Variants in GATM observed in about 807,000 individuals in gnomAD.
GATM encodes glycine amidinotransferase.
GATM carries 23 observed loss-of-function variants against 54.2 expected under a neutral mutation model. That is an observed-to-expected ratio of 0.42 (90% CI 0.31 to 0.60). GATM has a LOEUF of 0.60. Ranked by LOEUF, GATM falls within the 20% of genes least tolerant of loss-of-function variation. The pLI is 0.14. For synonymous variants in GATM, 168 were observed against 183.1 expected (o/e 0.92, Z 0.67); for missense variants, 401 against 544.9 (o/e 0.74, Z 2.63).
At chr15:45,401,127 C>A (rs1033940265) in intron 1 of GATM, among the ~76,000 whole-genome samples, 13 of 152,130 alleles carry the variant, frequency 8.5e-5, no homozygotes, top group African/African-American at 3.1e-4. Context: ...CTAAATTGTT[C>A]CAGAATCGAT....
chr15:45,392,225 T>C (rs1439087391), intron 3 of GATM, among the ~76,000 whole-genome samples: 2 of 152,168 alleles, frequency 1.3e-5, no homozygotes, highest in Admixed American at 1.3e-4. Flanking sequence ...GAAGGCAAAC[T>C]TGGTGACAGA....
chr15:45,368,142 T>G lies in GATM; in HGVS notation c.603A>C (p.Lys201Asn), dbSNP rs748600834. Residue 201 changes from lysine to asparagine, a missense_variant, in exon 4 of 9, where the codon AAA (lysine) becomes AAC (asparagine). This residue lies in a region of GATM where 321 missense variants were observed against 457.5 expected (regional missense o/e 0.70). Transcript: ENST00000396659. This position sits in a 1 kb window ranked among gnomAD's most constrained non-coding sequence, Gnocchi z 5.1. Reference sequence around the variant, plus strand: ...ACTTGGCGCCACGGTGGAAGTAGTCTTTGATAATTGACCTGTACGCTCGGT... The same window carrying G: ...ACTTGGCGCCACGGTGGAAGTAGTCGTTGATAATTGACCTGTACGCTCGGT... Reference protein sequence around the residue: ...FEYRAYRSIIKDYFHRGAKWT... With the variant: ...FEYRAYRSIINDYFHRGAKWT... 1.4e-5 allele frequency: 23 copies of G among 1,614,132 alleles called. No individual in the cohort carries two copies. The highest frequency in any genetic ancestry group is 3.3e-4 in the Middle Eastern group (2 of 6,052).
intron 2 of GATM, chr15:45,399,396 A>G (rs1484074660): frequency 6.6e-6 from 1 of 152,240 alleles, no homozygotes; most frequent in Non-Finnish European, 1.5e-5. Context: ...TGGTAGTAGG[A>G]GTCAGGGCCT....
At chr15:45,388,425 A>G (rs142382659) in intron 3 of GATM, among the ~76,000 whole-genome samples, 4 of 152,352 alleles carry the variant, frequency 2.6e-5, no homozygotes, top group Non-Finnish European at 5.9e-5. Context: ...ATTATTAACT[A>G]AACTCCAGAC....
At chr15:45,375,270 C>T (rs1417879816) in intron 2 of GATM, among the ~76,000 whole-genome samples, 1 of 152,128 alleles carries the variant, frequency 6.6e-6, no homozygotes, top group Non-Finnish European at 1.5e-5. Flanking sequence ...GGGGTTTCAC[C>T]GTGTTAGCCA....
chr15:45,368,181 T>C lies in GATM; in HGVS notation c.564A>G (p.Ser188=), dbSNP rs1889479983. The C allele has an allele frequency of 6.2e-7, 1 of 1,613,972 alleles. No individual in the cohort carries two copies. The highest frequency in any genetic ancestry group is 1.3e-5 in the African/African-American group (1 of 74,910). Residue 188 remains serine (S), a synonymous_variant, in exon 4 of 9, where the codon TCA becomes TCG. Transcript: ENST00000396659. This position sits in a 1 kb window ranked among gnomAD's most constrained non-coding sequence, Gnocchi z 5.1. ...EIIEAPMAWR[S]RFFEYRAYRS... ...TGTACGCTCGGTACTCAAAGAAGCG[T>C]GAACGCCATGCCATGGGAGCCTCGA... is the stretch of plus-strand genomic sequence containing the variant.
chr15:45,396,807 TTG>T (rs1889937208), intron 3 of GATM: 1 of 142,556 alleles, frequency 7.0e-6, no homozygotes. Flanking sequence ...GAGGCAGAGG[TTG>T]TAGTGAGCTG....
chr15:45,380,834 T>C (rs566461787), upstream of GATM, among the ~76,000 whole-genome samples: 1 of 152,266 alleles, frequency 6.6e-6, no homozygotes, highest in African/African-American at 2.4e-5. Context: ...GTCCTACTGT[T>C]ATAAAAGCAA....
At chr15:45,399,111 C>T (rs183800008) in intron 2 of GATM, among the ~76,000 whole-genome samples, 3 of 152,212 alleles carry the variant, frequency 2.0e-5, no homozygotes, top group African/African-American at 7.2e-5. Flanking sequence ...TTTTGTTTGG[C>T]AAAGCTATTT....
chr15:45,376,662 T>C lies in GATM; in HGVS notation c.227A>G (p.Glu76Gly). 1 of 1,614,136 alleles carries C rather than the reference T, an allele frequency of 6.2e-7. No homozygotes were observed. The highest frequency in any genetic ancestry group is 2.2e-5 in the East Asian group (1 of 44,872). Residue 76 changes from glutamate (E) to glycine (G), a missense_variant, in exon 2 of 9, where the codon GAG becomes GGG. Physicochemically the swap from Glu to Gly is moderately conservative, Grantham distance 98. Transcript: ENST00000396659. ...VSSYNEWDPL[E>G]EVIVGRAENA... ...TTCTGCTCTGCCCACTATCACTTCCTCTAAGGGGTCCCATTCGTTGTAAGA... is the reference window on the plus strand; with the variant it reads ...TTCTGCTCTGCCCACTATCACTTCCCCTAAGGGGTCCCATTCGTTGTAAGA...
chr15:45,378,274 G>A (rs2140660431), intron 1 of GATM, 111 bp downstream of exon 1: 2 of 805,474 alleles, frequency 2.5e-6, no homozygotes, highest in South Asian at 1.7e-5. Flanking sequence ...TTCCGGCTAG[G>A]GAAAGCGAGG....
chr15:45,398,394 T>C (rs553022663), intron 2 of GATM, among the ~76,000 whole-genome samples: 1 of 152,248 alleles, frequency 6.6e-6, no homozygotes, highest in Non-Finnish European at 1.5e-5. Context: ...TGATGTTCTA[T>C]GAACTGTAGT....
At chr15:45,390,094 C>T (rs1374417888) in intron 3 of GATM, among the ~76,000 whole-genome samples, 3 of 152,132 alleles carry the variant, frequency 2.0e-5, no homozygotes, top group Admixed American at 1.3e-4. Context: ...TCAAGCGATC[C>T]GCCTGCCACA....
At position 45,368,325 on chromosome 15, in the gene GATM, T is replaced by C. The variant is rs1451779884; in HGVS notation, c.485-65A>G. 1 of 1,441,656 alleles carries C rather than the reference T, an allele frequency of 6.9e-7. No individual in the cohort carries two copies. The highest frequency in any genetic ancestry group is 9.7e-7 in the Non-Finnish European group (1 of 1,033,876). The allele number at this position is 1,441,656 out of a possible 1,614,324, so 89.3% of individuals were successfully genotyped here. A position where few individuals can be genotyped will look rare whatever the true frequency, so the allele number is the denominator to read the frequency against. ...TAATTTCCAAGACAAAAAAGGTCTA[T>C]ATAGGGCCAGGCACAGTGGCTCATG... is the stretch of plus-strand genomic sequence containing the variant. On this transcript the variant is annotated intron_variant, in intron 3 of 8. Transcript: ENST00000396659. The surrounding 1 kb of genome is among the most constrained non-coding windows in gnomAD (Gnocchi z 5.1).
chr15:45,367,499 T>A (rs759459005), intron 4 of GATM, among the ~76,000 whole-genome samples: 8 of 152,240 alleles, frequency 5.3e-5, no homozygotes, highest in Non-Finnish European at 1.2e-4. Context: ...ATGTTTCCCC[T>A]GCCAAATTTG....
chr15:45,365,916 A>C (rs1354891206), intron 6 of GATM, 130 bp downstream of exon 6: 1 of 837,076 alleles, frequency 1.2e-6, no homozygotes, highest in Admixed American at 1.9e-5. Context: ...GTTTGATCAT[A>C]ATAATGTTGA....
intron 1 of GATM, among the ~76,000 whole-genome samples, chr15:45,400,966 CTTTT>C (rs35335867): frequency 6.6e-6 from 1 of 150,844 alleles, no homozygotes; most frequent in African/African-American, 2.4e-5. Flanking sequence ...AAAACGATGG[CTTTT>C]TTTTTATTTC....
intron 2 of GATM, chr15:45,397,227 T>C (rs1308415298): frequency 6.6e-6 from 1 of 152,072 alleles, no homozygotes; most frequent in Non-Finnish European, 1.5e-5. Flanking sequence ...GTTCCTGACA[T>C]GGAGCTCTTA....
At chr15:45,382,804 GTAA>G (rs145436247), upstream of GATM, among the ~76,000 whole-genome samples, 1 of 151,792 alleles carries the variant, frequency 6.6e-6, no homozygotes, top group African/African-American at 2.4e-5. Flanking sequence ...AAAAATATTA[GTAA>G]TAATAATAAT....
Sources: allele counts gnomAD v4.1 joint callset (sites outside exome capture counted in the v4.1 genomes callset), GRCh38; gene constraint gnomAD v4.1.1; regional missense constraint gnomAD v4.1.1; non-coding constraint Gnocchi (gnomAD v3.1); transcripts MANE v1.5; gene names NCBI Gene and HGNC (gene_info 2026-07-23, HGNC 2026-07-21).